Variants in TTC13 observed in about 807,000 individuals in gnomAD.
TTC13 encodes the protein tetratricopeptide repeat domain 13, also known as tetratricopeptide repeat protein 13.
In TTC13, 62 loss-of-function variants were observed where a neutral mutation model predicts 120.0. That is an observed-to-expected ratio of 0.52 (90% CI 0.42 to 0.64). The LOEUF is 0.64. Ranked by LOEUF, TTC13 falls within the 30% of genes least tolerant of loss-of-function variation. The pLI is 0.00. For missense variants in TTC13, 824 were observed against 1,050.2 expected (o/e 0.78, Z 2.98); for synonymous variants, 384 against 393.5 (o/e 0.98, Z 0.28).
intron 2 of TTC13, 104 bp from the exon 3 acceptor site, chr1:230,958,403 G>C (rs984284570): frequency 4.6e-5 from 61 of 1,312,062 alleles, no homozygotes; most frequent in Non-Finnish European, 6.1e-5. Flanking sequence ...GGCTACATTT[G>C]ATTTAAGTGG....
intron 18 of TTC13, among the ~76,000 whole-genome samples, chr1:230,914,362 T>G (rs1475681652): frequency 6.6e-6 from 1 of 151,816 alleles, no homozygotes; most frequent in Non-Finnish European, 1.5e-5. Context: ...CACTTCCACT[T>G]AATACATAGT....
At chr1:230,947,193 G>GC (rs537347844) in intron 4 of TTC13, among the ~76,000 whole-genome samples, 19 of 152,052 alleles carry the variant, frequency 1.2e-4, no homozygotes, top group African/African-American at 2.4e-4. Flanking sequence ...CTATAAGCCT[G>GC]CCCCCCCAGA....
At position 230,931,430 on chromosome 1, in the gene TTC13, TATACTGGC is replaced by T; in HGVS notation, c.1160_1167del (p.Cys387TyrfsTer14). Reference sequence around the variant, plus strand: ...ATGGCAACATGGCTGAGCCCTTTCATATACTGGCACACTTCATTATATGGCTCTAGCTG... The same window carrying T: ...ATGGCAACATGGCTGAGCCCTTTCATACACTTCATTATATGGCTCTAGCTG... On this transcript the variant is annotated frameshift_variant, in exon 11 of 23. Transcript: ENST00000366661. LOFTEE classifies it high-confidence loss of function. 6.2e-7 allele frequency: 1 copy of T among 1,614,252 alleles called. No homozygotes were observed. The highest frequency in any genetic ancestry group is 2.2e-5 in the East Asian group (1 of 44,878).
At chr1:230,931,668 T>C (rs1036103431) in intron 10 of TTC13, 68 bp downstream of exon 10, 1 of 1,573,790 alleles carries the variant, frequency 6.4e-7, no homozygotes, top group African/African-American at 1.4e-5. Flanking sequence ...CTCTATTCAT[T>C]TCACTAAACT....
At chr1:230,967,630 T>C (rs769824450) in intron 1 of TTC13, among the ~76,000 whole-genome samples, 5 of 152,212 alleles carry the variant, frequency 3.3e-5, no homozygotes, top group Non-Finnish European at 5.9e-5. Flanking sequence ...TTTATAACTA[T>C]GTATGTATCT....
Position 230,939,440 on chromosome 1 carries a change from C to T in TTC13, c.846G>A (p.Gln282=), listed in dbSNP as rs1674354630. Reference sequence around the variant, plus strand: ...AACCTTTGTATAGCATAGCTATAGGCTGGTTTTTGTTCAGTTCTAAGGACT... The same window carrying T: ...AACCTTTGTATAGCATAGCTATAGGTTGGTTTTTGTTCAGTTCTAAGGACT... ...FQQSLELNKN[Q]PIAMLYKGLT... is the part of the protein sequence containing the mutation. Residue 282 remains glutamine (Q), a synonymous_variant, in exon 8 of 23, where the codon CAG becomes CAA. Coordinates refer to ENST00000366661, the MANE Select transcript of TTC13 (RefSeq NM_024525.5). 1.9e-6 allele frequency: 3 copies of T among 1,613,056 alleles called. No individual in the cohort carries two copies. The highest frequency in any genetic ancestry group is 2.5e-6 in the Non-Finnish European group (3 of 1,179,298).
chr1:230,937,217 T>C (rs1274953067), intron 8 of TTC13, among the ~76,000 whole-genome samples: 2 of 152,194 alleles, frequency 1.3e-5, no homozygotes, highest in Non-Finnish European at 2.9e-5. Flanking sequence ...TTCTGAAAAA[T>C]TCTCATTTTC....
intron 8 of TTC13, chr1:230,936,464 A>G (rs1408267369): frequency 6.4e-6 from 2 of 313,600 alleles, no homozygotes; most frequent in Admixed American, 4.5e-5. Flanking sequence ...CTTGTAACTA[A>G]GAGAACACTC....
In TTC13 at chr1:230,914,635, C is replaced by T. The variant is rs561188043; in HGVS notation, c.2093+1558G>A. On this transcript the variant is annotated intron_variant, in intron 18 of 22. Transcript: ENST00000366661. ...GTCTCGAACTCCTGACCTAGTGATCCGCCCGCCTTGGGCTCCCAAAGTGCT... is the reference window on the plus strand; with the variant it reads ...GTCTCGAACTCCTGACCTAGTGATCTGCCCGCCTTGGGCTCCCAAAGTGCT... Among the ~76,000 whole-genome samples, 14 of 152,246 alleles carry T rather than the reference C, an allele frequency of 9.2e-5. No individual in the cohort carries two copies. The East Asian group carries it at 1.5e-3, about 17-fold the overall frequency.
At chr1:230,950,851 A>C (rs1309920073) in intron 4 of TTC13, among the ~76,000 whole-genome samples, 2 of 152,216 alleles carry the variant, frequency 1.3e-5, no homozygotes, top group Non-Finnish European at 2.9e-5. Context: ...CTGCATGAGG[A>C]CCAAAGCAGC....
intron 8 of TTC13, chr1:230,936,137 G>A (rs968976160): frequency 1.8e-5 from 8 of 455,450 alleles, no homozygotes; most frequent in Non-Finnish European, 3.1e-5. Context: ...AGACGCCCAG[G>A]GGGCTGCCCA....
chr1:230,936,434 C>T (rs979010451), intron 8 of TTC13: 1 of 365,812 alleles, frequency 2.7e-6, no homozygotes, highest in Non-Finnish European at 5.4e-6. Flanking sequence ...TGACAGGCAA[C>T]CACCACCCTA....
intron 2 of TTC13, among the ~76,000 whole-genome samples, chr1:230,959,917 A>G (rs1676465825): frequency 6.6e-6 from 1 of 152,144 alleles, no homozygotes; most frequent in Non-Finnish European, 1.5e-5. Flanking sequence ...ACCCTTTGCT[A>G]TTCCTTCATA....
At chr1:230,954,291 T>G in intron 4 of TTC13, 42 bp downstream of exon 4, 1 of 1,442,472 alleles carries the variant, frequency 6.9e-7, no homozygotes, top group African/African-American at 1.4e-5. Flanking sequence ...ATTTTTGTCA[T>G]GACCATAAAC....
At chr1:230,964,055 G>A (rs1272876192) in intron 1 of TTC13, among the ~76,000 whole-genome samples, 1 of 152,104 alleles carries the variant, frequency 6.6e-6, no homozygotes, top group Non-Finnish European at 1.5e-5. Context: ...TATATGCCAG[G>A]CACTGTGCTA....
At chr1:230,934,354 C>T (rs1673845574) in intron 8 of TTC13, among the ~76,000 whole-genome samples, 2 of 151,994 alleles carry the variant, frequency 1.3e-5, no homozygotes, top group African/African-American at 4.8e-5. Context: ...CTAGATTCAC[C>T]ATCTGAAGGA....
intron 15 of TTC13, among the ~76,000 whole-genome samples, chr1:230,922,664 C>T (rs1162640970): frequency 6.6e-6 from 1 of 152,186 alleles, no homozygotes; most frequent in African/African-American, 2.4e-5. Context: ...CCAAGTTAAT[C>T]ACCCCACCTC....
At position 230,940,421 on chromosome 1, in the gene TTC13, C is replaced by G; in HGVS notation, c.789+19G>C. On this transcript the variant is annotated intron_variant, in intron 7 of 22. Coordinates refer to ENST00000366661, the MANE Select transcript of TTC13 (RefSeq NM_024525.5). The surrounding 1 kb of genome is among the most constrained non-coding windows in gnomAD (Gnocchi z 4.1). Reference sequence around the variant, plus strand: ...AATCTTCATCATCATAAAAATACTTCAAGACAAAAACCAGTCACCTCTGAT... The same window carrying G: ...AATCTTCATCATCATAAAAATACTTGAAGACAAAAACCAGTCACCTCTGAT... 1.3e-6 allele frequency: 2 copies of G among 1,499,738 alleles called. No homozygotes were observed. Among genetic ancestry groups the G allele is most frequent in the Non-Finnish European group, 1.8e-6 (2 of 1,083,592 alleles). The allele number at this position is 1,499,738 out of a possible 1,614,324, so 92.9% of individuals were successfully genotyped here.
At chr1:230,977,279 C>T (rs907200493) in intron 1 of TTC13, among the ~76,000 whole-genome samples, 6 of 152,180 alleles carry the variant, frequency 3.9e-5, no homozygotes, top group African/African-American at 1.2e-4. Flanking sequence ...TTCTCATTTC[C>T]CTCACAGCAC....
Sources: gnomAD v4.1 joint callset for allele counts (sites outside exome capture counted in the v4.1 genomes callset) on GRCh38, gnomAD v4.1.1 for gene constraint, Gnocchi (gnomAD v3.1) non-coding constraint, MANE v1.5 for transcripts, NCBI Gene and HGNC (gene_info 2026-07-23, HGNC 2026-07-21) for gene names.